ZNF385C: variants seen among roughly 807,000 people sequenced by gnomAD.
ZNF385C encodes CTD-2132N18.2.
In ZNF385C, 28 loss-of-function variants were observed where a neutral mutation model predicts 35.4. That is an observed-to-expected ratio of 0.79 (90% CI 0.59 to 1.08). ZNF385C has a LOEUF of 1.08. Ranked by LOEUF, ZNF385C falls within the 50% of genes least tolerant of loss-of-function variation. The pLI, the probability that ZNF385C is intolerant of heterozygous loss-of-function variation, is 0.00. For synonymous variants in ZNF385C, 248 were observed against 248.2 expected, an observed-to-expected ratio of 1.00 and a Z score of 0.01; for missense variants, 605 against 595.6, an observed-to-expected ratio of 1.02 and a Z score of -0.16.
intron 1 of ZNF385C, among the ~76,000 whole-genome samples, chr17:42,088,576 C>G (rs1331547385): frequency 2.0e-5 from 3 of 152,252 alleles, no homozygotes; most frequent in African/African-American, 7.2e-5. Context: ...TCCCCCACCC[C>G]AACCTCAGCA....
rs1404060886 is a variant in ZNF385C, at chr17:42,061,247, G to A, written c.250+1560C>T. 3.0e-5 allele frequency: 3 copies of A among 100,708 alleles called. No homozygotes were observed. In the East Asian group the frequency reaches 1.0e-3, roughly 34 times the overall value. The allele number at this position is 100,708 out of a possible 1,614,324, so 6.2% of individuals were successfully genotyped here. A position where few individuals can be genotyped will look rare whatever the true frequency, so the allele number is the denominator to read the frequency against. ...TTTTTTTTTTTTTTTTTGAGACAGGGTCTCACTCTGTCACCCAGGCTGGAG... is the reference window on the plus strand; with the variant it reads ...TTTTTTTTTTTTTTTTTGAGACAGGATCTCACTCTGTCACCCAGGCTGGAG... On this transcript the variant is annotated intron_variant, in intron 2 of 8. Coordinates refer to ENST00000692273, the MANE Select transcript of ZNF385C (RefSeq NM_001392013.1).
intron 1 of ZNF385C, among the ~76,000 whole-genome samples, chr17:42,075,192 C>A (rs145612143): frequency 1.3e-5 from 2 of 152,152 alleles, no homozygotes; most frequent in Non-Finnish European, 2.9e-5. Context: ...TGGTCACCTC[C>A]TCCAGGAAGC....
rs2053452833 is a variant in ZNF385C at position 42,061,075 on chromosome 17, C to A, written c.250+1732G>T. 2.0e-5 allele frequency among the ~76,000 whole-genome samples: 3 copies of A among 152,156 alleles called. No homozygotes were observed. The South Asian group carries it at 6.2e-4, about 32-fold the overall frequency. ...GCCTGTTATTATCTTGGAACAAACTCATCTGCATATGTATTTATTTAGATA... is the reference window on the plus strand; with the variant it reads ...GCCTGTTATTATCTTGGAACAAACTAATCTGCATATGTATTTATTTAGATA... On this transcript the variant is annotated intron_variant, in intron 2 of 8. Coordinates refer to ENST00000692273, the MANE Select transcript of ZNF385C (RefSeq NM_001392013.1).
At chr17:42,086,277 A>G (rs535044833) in intron 1 of ZNF385C, among the ~76,000 whole-genome samples, 1 of 152,172 alleles carries the variant, frequency 6.6e-6, no homozygotes, top group South Asian at 2.1e-4. Context: ...CTGTAAGCCT[A>G]GCTACTCGGG....
At chr17:42,052,436 TC>T (rs1203388684) in intron 2 of ZNF385C, among the ~76,000 whole-genome samples, 5 of 151,080 alleles carry the variant, frequency 3.3e-5, no homozygotes, top group Non-Finnish European at 5.9e-5. Flanking sequence ...CATACATACC[TC>T]CCCCCACACT....
intron 2 of ZNF385C, chr17:42,041,247 C>T (rs1355268735): frequency 1.6e-6 from 2 of 1,224,948 alleles, no homozygotes; most frequent in Non-Finnish European, 2.0e-6. Flanking sequence ...TCCTGAGAGG[C>T]GGAGGCAGGC....
chr17:42,064,947 A>C (rs2143865690), intron 1 of ZNF385C, among the ~76,000 whole-genome samples: 1 of 152,240 alleles, frequency 6.6e-6, no homozygotes, highest in Non-Finnish European at 1.5e-5. Flanking sequence ...TCCCGGATTC[A>C]AGCAATTCTC....
intron 1 of ZNF385C, among the ~76,000 whole-genome samples, chr17:42,088,078 G>A (rs2053827766): frequency 6.6e-6 from 1 of 152,160 alleles, no homozygotes; most frequent in African/African-American, 2.4e-5. Context: ...GGGTCGTTAT[G>A]AGGATTACCT....
chr17:42,039,694 G>C, intron 2 of ZNF385C: 1 of 1,232,406 alleles, frequency 8.1e-7, no homozygotes, highest in Non-Finnish European at 1.0e-6. Flanking sequence ...GCCGAGGGAA[G>C]GAGGCCACCC....
chr17:42,037,378 T>TAC (rs5820441), intron 3 of ZNF385C, among the ~76,000 whole-genome samples: 4,781 of 144,528 alleles, frequency 0.033, 123 homozygotes, highest in African/African-American at 0.072. Flanking sequence ...AGGCACAGGT[T>TAC]ACACACACAC....
At chr17:42,051,357 T>TC (rs1245839999) in intron 2 of ZNF385C, among the ~76,000 whole-genome samples, 1 of 152,086 alleles carries the variant, frequency 6.6e-6, no homozygotes, top group African/African-American at 2.4e-5. Context: ...CAGCCGACCC[T>TC]CATCCCGGTC....
At chr17:42,042,776 G>C (rs1344204925) in intron 2 of ZNF385C, 65 of 1,202,778 alleles carry the variant, frequency 5.4e-5, no homozygotes, top group Non-Finnish European at 6.4e-5. Flanking sequence ...GCTGTTCCCA[G>C]GTGGCTCAGT....
intron 1 of ZNF385C, among the ~76,000 whole-genome samples, chr17:42,078,677 T>C (rs1467705968): frequency 1.3e-5 from 2 of 152,168 alleles, no homozygotes; most frequent in Non-Finnish European, 2.9e-5. Context: ...TCCTGGACCA[T>C]GACCAGATGA....
At chr17:42,074,961 C>T (rs754078351) in intron 1 of ZNF385C, among the ~76,000 whole-genome samples, 43 of 152,228 alleles carry the variant, frequency 2.8e-4, no homozygotes, top group Non-Finnish European at 5.7e-4. Context: ...CACTACCTAA[C>T]AAGATGGCCC....
chr17:42,094,776 T>C (rs1019929334), intron 1 of ZNF385C, among the ~76,000 whole-genome samples: 2 of 151,972 alleles, frequency 1.3e-5, no homozygotes, highest in Admixed American at 6.6e-5. Flanking sequence ...CCACTGGGGG[T>C]GGCCTCACCA....
Position 42,088,194 on chromosome 17 carries a change from G to A in ZNF385C, c.-3+10216C>T, listed in dbSNP as rs575567273. Among the ~76,000 whole-genome samples, 5 of 152,370 alleles carry A rather than the reference G, an allele frequency of 3.3e-5. No individual in the cohort carries two copies. In the South Asian group the frequency reaches 6.2e-4, roughly 19 times the overall value. ...AATCAACAAGGTCCATCCTGCTGAT[G>A]CTGGGTCTGGGAGGTTGGGACTGAG... On this transcript the variant is annotated intron_variant, in intron 1 of 8. Transcript: ENST00000692273.
intron 2 of ZNF385C, among the ~76,000 whole-genome samples, chr17:42,053,113 G>A (rs1490151804): frequency 6.6e-6 from 1 of 152,118 alleles, no homozygotes; most frequent in Admixed American, 6.6e-5. Flanking sequence ...AGCCACTTCT[G>A]GGTCATCTAG....
At chr17:42,034,389 G>A (rs2052795395) in intron 3 of ZNF385C, 54 bp from the exon 4 acceptor site, 2 of 1,354,122 alleles carry the variant, frequency 1.5e-6, no homozygotes, top group South Asian at 1.3e-5. Context: ...GGGAAGCAGG[G>A]GTCGGGGGCA....
chr17:42,084,576 G>C (rs2053785930), intron 1 of ZNF385C, among the ~76,000 whole-genome samples: 1 of 151,918 alleles, frequency 6.6e-6, no homozygotes, highest in African/African-American at 2.4e-5. Flanking sequence ...AATTATATTA[G>C]TTCATAAAAA....
Sources: allele counts gnomAD v4.1 joint callset (sites outside exome capture counted in the v4.1 genomes callset), GRCh38; gene constraint gnomAD v4.1.1; transcripts MANE v1.5; gene names NCBI Gene and HGNC (gene_info 2026-07-23, HGNC 2026-07-21).